SV2C: variants seen among roughly 807,000 people sequenced by gnomAD.
The protein encoded by SV2C is solute carrier family 22 member B3.
In SV2C, 49 loss-of-function variants were observed where a neutral mutation model predicts 79.7. The ratio of observed to expected loss-of-function variants is 0.61; its 90% CI spans 0.49 to 0.78. The LOEUF (loss-of-function observed/expected upper bound fraction) is 0.78, where lower values mean the gene tolerates loss of function less well. SV2C is among the 30% of genes least tolerant of loss of function. The pLI is 0.00. For synonymous variants in SV2C, 334 were observed against 333.2 expected, an observed-to-expected ratio of 1.00 and a Z score of -0.03; for missense variants, 833 against 912.9, an observed-to-expected ratio of 0.91 and a Z score of 1.13.
chr5:76,222,587 T>A (rs1037097267), intron 4 of SV2C, among the ~76,000 whole-genome samples: 1 of 152,212 alleles, frequency 6.6e-6, no homozygotes. Flanking sequence ...CAGAACTATA[T>A]ACACACATTG....
At chr5:75,931,155 G>A in the SV2C span, among the ~76,000 whole-genome samples, 1 of 152,056 alleles carries the variant, frequency 6.6e-6, no homozygotes. Context: ...AAACAATAAT[G>A]AGCAAACCTT....
In SV2C at chr5:76,089,489, A is replaced by T. The variant is rs556564986; in HGVS notation, c.-102+5977A>T. 3.9e-5 allele frequency among the ~76,000 whole-genome samples: 6 copies of T among 152,338 alleles called. No individual in the cohort carries two copies. In the South Asian group the frequency reaches 1.0e-3, roughly 26 times the overall value. ...TTGTGAATAGCACTGCAATGAACAT[A>T]CATGTGCATGTGTTTTTGTAATAGA... On this transcript the variant is annotated intron_variant, in intron 1 of 12. Coordinates refer to ENST00000502798, the MANE Select transcript of SV2C (RefSeq NM_014979.4).
intron 12 of SV2C, among the ~76,000 whole-genome samples, chr5:76,342,061 A>G (rs1048332601): frequency 6.6e-5 from 10 of 152,326 alleles, no homozygotes; most frequent in Middle Eastern, 3.4e-3. Flanking sequence ...CAGCCTGCAC[A>G]GGGCCCTTCT....
chr5:75,885,359 A>C, the SV2C span, among the ~76,000 whole-genome samples: 1 of 152,146 alleles, frequency 6.6e-6, no homozygotes. Context: ...TCTGCCTCCA[A>C]GTCCAGTTTC....
the SV2C span, among the ~76,000 whole-genome samples, chr5:76,068,825 G>A: frequency 2.0e-5 from 3 of 151,798 alleles, no homozygotes; most frequent in South Asian, 4.2e-4. Flanking sequence ...AAGTTCCTTA[G>A]GTCACCTTAA....
intron 2 of SV2C, among the ~76,000 whole-genome samples, chr5:76,187,209 G>C (rs780419093): frequency 6.6e-6 from 1 of 152,202 alleles, no homozygotes; most frequent in Non-Finnish European, 1.5e-5. Flanking sequence ...CTCCTCCCCT[G>C]TCTGATGGGC....
chr5:76,015,651 T>C, the SV2C span, among the ~76,000 whole-genome samples: 1 of 152,128 alleles, frequency 6.6e-6, no homozygotes, highest in Admixed American at 6.6e-5. Context: ...TAGCTTATGA[T>C]GAAGGACAAA....
the SV2C span, among the ~76,000 whole-genome samples, chr5:75,922,628 G>A: frequency 6.6e-6 from 1 of 152,202 alleles, no homozygotes; most frequent in East Asian, 1.9e-4. Context: ...GTCTTTCCCA[G>A]GTTCCCTAGC....
At chr5:76,251,173 C>A (rs1746103411) in intron 4 of SV2C, among the ~76,000 whole-genome samples, 1 of 152,138 alleles carries the variant, frequency 6.6e-6, no homozygotes, top group Non-Finnish European at 1.5e-5. Context: ...GGGTTCCCCA[C>A]ACATAAAACA....
rs759085527 is a variant in SV2C, at chr5:76,132,108, C to A, written c.358C>A (p.Arg120=). Residue 120 remains arginine (R), a synonymous_variant, in exon 2 of 13, where the codon CGG becomes AGG. Transcript: ENST00000502798. ...GCCCAAGGGCGATGAGTACAAGGAC[C>A]GGCGGGAGCTGGAATCAGAAAGGAG... ...GQPKGDEYKD[R]RELESERRAD... is the part of the protein sequence containing the mutation. 1.2e-6 allele frequency: 2 copies of A among 1,613,684 alleles called. No homozygotes were observed. The highest frequency in any genetic ancestry group is 2.2e-5 in the East Asian group (1 of 44,836).
rs2112080372 is a variant in SV2C at position 76,083,999 on chromosome 5, G to C, written c.-102+487G>C. ...TCGGCGGGGATCCCTCTGCAGACGTGCAGGTGGCGGGAGAGCAGAGGTAGC... is the reference window on the plus strand; with the variant it reads ...TCGGCGGGGATCCCTCTGCAGACGTCCAGGTGGCGGGAGAGCAGAGGTAGC... On this transcript the variant is annotated intron_variant, in intron 1 of 12. Transcript: ENST00000502798. 2 of 152,416 alleles carry C rather than the reference G, an allele frequency of 1.3e-5. 1 individual carries two copies. 9.4% of individuals were successfully genotyped at this position (152,416 alleles called of 1,614,324 possible).
the SV2C span, among the ~76,000 whole-genome samples, chr5:75,937,419 G>A: frequency 6.6e-6 from 1 of 152,072 alleles, no homozygotes; most frequent in African/African-American, 2.4e-5. Context: ...AACGAGCCCT[G>A]GCTGGGCACA....
At chr5:76,045,665 C>CTTT in the SV2C span, among the ~76,000 whole-genome samples, 1 of 152,156 alleles carries the variant, frequency 6.6e-6, no homozygotes. Context: ...TGTTTGTTTT[C>CTTT]TTTCATGCTG....
intron 4 of SV2C, among the ~76,000 whole-genome samples, chr5:76,265,798 C>G (rs537300587): frequency 6.6e-6 from 1 of 152,256 alleles, no homozygotes; most frequent in African/African-American, 2.4e-5. Flanking sequence ...CCTCTGTGGG[C>G]TGCACCCACT....
chr5:76,070,133 A>G, the SV2C span, among the ~76,000 whole-genome samples: 1 of 152,092 alleles, frequency 6.6e-6, no homozygotes, highest in South Asian at 2.1e-4. Flanking sequence ...CACACCCAGG[A>G]TGCTAGGCTT....
At chr5:76,110,294 G>C (rs887960052) in intron 1 of SV2C, among the ~76,000 whole-genome samples, 1 of 152,214 alleles carries the variant, frequency 6.6e-6, no homozygotes, top group African/African-American at 2.4e-5. Flanking sequence ...GAAGTCAAGG[G>C]CATGGAGTGT....
chr5:76,248,605 C>T (rs1037117259), intron 4 of SV2C, among the ~76,000 whole-genome samples: 13 of 151,138 alleles, frequency 8.6e-5, no homozygotes, highest in Admixed American at 2.0e-4. Flanking sequence ...GTGCCCTGCA[C>T]ATAGTAGGTG....
At chr5:76,242,061 T>A in intron 4 of SV2C, 1 of 1,446,114 alleles carries the variant, frequency 6.9e-7, no homozygotes, top group Non-Finnish European at 9.7e-7. Context: ...TTTCTGCGCC[T>A]GGTCTGTTTT....
At chr5:76,032,384 C>T in the SV2C span, among the ~76,000 whole-genome samples, 1 of 152,176 alleles carries the variant, frequency 6.6e-6, no homozygotes, top group Non-Finnish European at 1.5e-5. Flanking sequence ...TCTCCCAATG[C>T]TATCCCGCCC....
Sources: gnomAD v4.1 joint callset for allele counts (sites outside exome capture counted in the v4.1 genomes callset) on GRCh38, gnomAD v4.1.1 for gene constraint, MANE v1.5 for transcripts, NCBI Gene and HGNC (gene_info 2026-07-23, HGNC 2026-07-21) for gene names.